Variants in SLC38A1 observed in about 807,000 individuals in gnomAD.
SLC38A1 encodes sodium-coupled neutral amino acid symporter 1.
SLC38A1 carries 18 observed loss-of-function variants against 60.3 expected under a neutral mutation model. That is an observed-to-expected ratio of 0.30 (90% CI 0.21 to 0.44). The LOEUF (loss-of-function observed/expected upper bound fraction) is 0.44. Ranked by LOEUF, SLC38A1 falls within the 20% of genes least tolerant of loss-of-function variation. The probability of loss-of-function intolerance (pLI) is 1.00; values close to 1 mark genes in which losing one functional copy is unlikely to be tolerated. For synonymous variants in SLC38A1, 196 were observed against 212.1 expected (o/e 0.92, Z 0.66); for missense variants, 448 against 587.2 (o/e 0.76, Z 2.45).
intron 1 of SLC38A1, among the ~76,000 whole-genome samples, chr12:46,265,768 C>T (rs1240885718): frequency 6.6e-6 from 1 of 152,038 alleles, no homozygotes; most frequent in Admixed American, 6.6e-5. Flanking sequence ...GAGGAGAGAC[C>T]AACAGGAAAG....
At chr12:46,208,072 T>A (rs1470108641) in intron 6 of SLC38A1, among the ~76,000 whole-genome samples, 3 of 152,186 alleles carry the variant, frequency 2.0e-5, no homozygotes, top group Non-Finnish European at 2.9e-5. Context: ...CTTAATAACA[T>A]CCCATCAATG....
chr12:46,253,132 G>A (rs1941912010), intron 1 of SLC38A1, among the ~76,000 whole-genome samples: 1 of 152,150 alleles, frequency 6.6e-6, no homozygotes, highest in Admixed American at 6.6e-5. Context: ...AGTCTAGGGA[G>A]CAAATGTACA....
chr12:46,248,221 A>G (rs1289977532), intron 1 of SLC38A1, among the ~76,000 whole-genome samples: 1 of 152,224 alleles, frequency 6.6e-6, no homozygotes, highest in Admixed American at 6.5e-5. Context: ...AAATGCCCCA[A>G]TTAAAAGACA....
intron 16 of SLC38A1, among the ~76,000 whole-genome samples, chr12:46,195,187 T>A (rs1045073866): frequency 5.9e-5 from 9 of 152,226 alleles, no homozygotes; most frequent in African/African-American, 1.9e-4. Flanking sequence ...CTTCCCACAG[T>A]CAGACCCCTC....
intron 11 of SLC38A1, 53 bp from the exon 12 acceptor site, chr12:46,203,142 G>C (rs949045443): frequency 7.1e-7 from 1 of 1,416,680 alleles, no homozygotes; most frequent in African/African-American, 1.4e-5. Flanking sequence ...CCATAAAAAG[G>C]ACATAGCTCC....
At position 46,187,063 on chromosome 12, in the gene SLC38A1, C is replaced by A. The variant is rs902996416; in HGVS notation, c.*1907G>T. 1 of 152,080 alleles carries A rather than the reference C, an allele frequency of 6.6e-6. No individual in the cohort carries two copies. Among genetic ancestry groups the A allele is most frequent in the African/African-American group, 2.4e-5 (1 of 41,406 alleles). 9.4% of individuals were successfully genotyped at this position (152,080 alleles called of 1,614,324 possible). A position where few individuals can be genotyped will look rare whatever the true frequency, so the allele number is the denominator to read the frequency against. Reference sequence around the variant, plus strand: ...TATGGCTAGGTTAGGTATTCATATCCAAATATCTGAACTCTAACCTAATGT... The same window carrying A: ...TATGGCTAGGTTAGGTATTCATATCAAAATATCTGAACTCTAACCTAATGT... On this transcript the variant is annotated 3_prime_UTR_variant, in exon 17 of 17. Coordinates refer to ENST00000398637, the MANE Select transcript of SLC38A1 (RefSeq NM_030674.4).
At chr12:46,227,631 G>C (rs1940916818) in intron 5 of SLC38A1, among the ~76,000 whole-genome samples, 2 of 152,156 alleles carry the variant, frequency 1.3e-5, no homozygotes, top group Admixed American at 6.5e-5. Flanking sequence ...TTTATAACTT[G>C]ACATATTGCA....
chr12:46,196,232 TGA>T (rs1198158395), intron 16 of SLC38A1: 7 of 1,535,944 alleles, frequency 4.6e-6, no homozygotes, highest in Non-Finnish European at 5.2e-6. Context: ...TGATGCATTC[TGA>T]GAGCCAACAG....
Position 46,198,693 on chromosome 12 carries a change from G to C in SLC38A1, c.1054C>G (p.Leu352Val). The change falls in exon 14 of 17, where the codon CTC becomes GTC. Residue 352 changes from leucine to valine, a missense_variant. Around this residue, in one of 2 missense-constraint regions of SLC38A1, gnomAD observed 346 missense variants for 497.5 expected, o/e 0.70. Coordinates refer to ENST00000398637, the MANE Select transcript of SLC38A1 (RefSeq NM_030674.4). The part of the protein sequence containing the change: ...LHKYQSKDDI[L>V]ILTVRLAVIV... Reference sequence around the variant, plus strand: ...ACAGCCAGCCGCACTGTCAGGATGAGAATGTCATCTTTACTCTGATATTTG... The same window carrying C: ...ACAGCCAGCCGCACTGTCAGGATGACAATGTCATCTTTACTCTGATATTTG... The C allele has an allele frequency of 6.2e-7, 1 of 1,613,622 alleles. No homozygotes were observed. Among genetic ancestry groups the C allele is most frequent in the Non-Finnish European group, 8.5e-7 (1 of 1,179,784 alleles).
In SLC38A1 at chr12:46,229,536, A is replaced by G. The variant is rs142920347; in HGVS notation, c.198+28T>C. 1.2e-3 allele frequency: 1,763 copies of G among 1,529,824 alleles called. 13 individuals carry two copies. The African/African-American group carries it at 0.022, about 19-fold the overall frequency. 94.8% of individuals were successfully genotyped at this position (1,529,824 alleles called of 1,614,324 possible). On this transcript the variant is annotated intron_variant, in intron 4 of 16. Transcript: ENST00000398637. Reference sequence around the variant, plus strand: ...TCCCAATTTATATGATTAAAAAAATAAGCATACTTCATTATAATGATACTT... The same window carrying G: ...TCCCAATTTATATGATTAAAAAAATGAGCATACTTCATTATAATGATACTT...
intron 5 of SLC38A1, among the ~76,000 whole-genome samples, chr12:46,217,546 A>G (rs1349243169): frequency 6.6e-6 from 1 of 152,218 alleles, no homozygotes; most frequent in African/African-American, 2.4e-5. Flanking sequence ...AAGTGACAGT[A>G]TTATTATTTT....
intron 12 of SLC38A1, among the ~76,000 whole-genome samples, chr12:46,201,436 G>T (rs945179051): frequency 3.2e-4 from 49 of 152,242 alleles, no homozygotes; most frequent in African/African-American, 1.1e-3. Flanking sequence ...TCTTTTAAAA[G>T]AATATCGAGT....
chr12:46,233,191 TA>T (rs1178341602), intron 3 of SLC38A1, among the ~76,000 whole-genome samples: 2 of 151,790 alleles, frequency 1.3e-5, no homozygotes, highest in Non-Finnish European at 2.9e-5. Flanking sequence ...GCTTATCTTT[TA>T]AAAAAAATTG....
intron 3 of SLC38A1, among the ~76,000 whole-genome samples, chr12:46,232,961 C>A (rs1482537908): frequency 1.3e-5 from 2 of 152,124 alleles, no homozygotes; most frequent in Non-Finnish European, 2.9e-5. Flanking sequence ...GTTAAATCTG[C>A]AGTTGCAGAA....
At chr12:46,213,335 G>C (rs1940260034) in intron 5 of SLC38A1, among the ~76,000 whole-genome samples, 1 of 152,048 alleles carries the variant, frequency 6.6e-6, no homozygotes, top group Non-Finnish European at 1.5e-5. Context: ...TTTTTTGTCT[G>C]TTTCTGAAGC....
chr12:46,237,112 C>T (rs750042431), intron 3 of SLC38A1, among the ~76,000 whole-genome samples: 5 of 152,164 alleles, frequency 3.3e-5, no homozygotes, highest in Admixed American at 2.6e-4. Context: ...AGTTTCCAGG[C>T]GGAGCTATCA....
intron 1 of SLC38A1, among the ~76,000 whole-genome samples, chr12:46,247,834 C>A (rs1036629027): frequency 6.6e-6 from 1 of 152,236 alleles, no homozygotes; most frequent in Non-Finnish European, 1.5e-5. Context: ...AACAGCAGAT[C>A]TCTCAGCAGA....
At chr12:46,252,059 T>C (rs980645188) in intron 1 of SLC38A1, among the ~76,000 whole-genome samples, 6 of 152,150 alleles carry the variant, frequency 3.9e-5, no homozygotes, top group African/African-American at 1.4e-4. Flanking sequence ...TGTGGCACTA[T>C]TCACAATAGG....
intron 1 of SLC38A1, chr12:46,267,478 T>C (rs1942390847): frequency 6.6e-6 from 1 of 152,348 alleles, no homozygotes; most frequent in Non-Finnish European, 1.5e-5. Flanking sequence ...TGCTGCCATA[T>C]GCACTTGTGC....
Sources: gnomAD v4.1 joint callset for allele counts (sites outside exome capture counted in the v4.1 genomes callset) on GRCh38, gnomAD v4.1.1 for gene constraint, gnomAD v4.1.1 regional missense constraint, MANE v1.5 for transcripts, NCBI Gene and HGNC (gene_info 2026-07-23, HGNC 2026-07-21) for gene names.